Variants in EXOC4 observed in about 807,000 individuals in gnomAD.
The protein encoded by EXOC4 is exocyst complex component 4.
Under a neutral mutation model 107.2 loss-of-function variants are expected in EXOC4, and 71 were observed. That is an observed-to-expected ratio of 0.66 (90% CI 0.55 to 0.81). The LOEUF (loss-of-function observed/expected upper bound fraction) is 0.81. Ranked by LOEUF, EXOC4 falls within the 30% of genes least tolerant of loss-of-function variation. EXOC4 has a pLI of 0.00. For synonymous variants in EXOC4, 456 were observed against 441.2 expected (o/e 1.03, Z -0.42); for missense variants, 1,108 against 1,189.6 (o/e 0.93, Z 1.01).
intron 17 of EXOC4, among the ~76,000 whole-genome samples, chr7:134,017,322 A>T (rs1039622466): frequency 8.5e-5 from 13 of 152,158 alleles, no homozygotes; most frequent in Non-Finnish European, 1.9e-4. Context: ...AATCTCTTAA[A>T]TTTAATAGTG....
At chr7:133,588,282 T>A (rs62470021) in intron 9 of EXOC4, among the ~76,000 whole-genome samples, 22,648 of 152,224 alleles carry the variant, frequency 0.15, 2,102 homozygotes, top group Non-Finnish European at 0.2. Flanking sequence ...TTAAATACCA[T>A]GGACACAAAA....
At chr7:133,868,172 TG>T (rs1056204510) in intron 11 of EXOC4, among the ~76,000 whole-genome samples, 2 of 152,210 alleles carry the variant, frequency 1.3e-5, no homozygotes, top group African/African-American at 4.8e-5. Flanking sequence ...CCTCTTGGCT[TG>T]AGCTAGGGTC....
At chr7:133,401,516 GC>G (rs1222940384) in intron 7 of EXOC4, among the ~76,000 whole-genome samples, 1 of 151,942 alleles carries the variant, frequency 6.6e-6, no homozygotes, top group African/African-American at 2.4e-5. Context: ...AAAAACATTA[GC>G]TGGGTGTGGT....
At chr7:133,570,886 A>G (rs887195591) in intron 9 of EXOC4, among the ~76,000 whole-genome samples, 2 of 152,208 alleles carry the variant, frequency 1.3e-5, no homozygotes, top group Non-Finnish European at 2.9e-5. Flanking sequence ...GCCAGCTTTA[A>G]TTAGGCATTT....
intron 2 of EXOC4, among the ~76,000 whole-genome samples, chr7:133,277,471 A>G (rs890116332): frequency 2.6e-5 from 4 of 152,194 alleles, no homozygotes; most frequent in African/African-American, 9.7e-5. Context: ...CATCATTCTG[A>G]GTCGATAACA....
intron 10 of EXOC4, among the ~76,000 whole-genome samples, chr7:133,790,260 T>C (rs1054540115): frequency 6.6e-5 from 10 of 152,250 alleles, no homozygotes; most frequent in Non-Finnish European, 1.3e-4. Context: ...GAAAGGAATC[T>C]GATGAATTGA....
rs368634443 is a variant in EXOC4 at position 133,830,962 on chromosome 7, TTTTG to T, written c.1734+13434_1734+13437del. Among the ~76,000 whole-genome samples, 60 of 152,130 alleles carry T rather than the reference TTTTG, an allele frequency of 3.9e-4. No individual in the cohort carries two copies. In the East Asian group the frequency reaches 9.7e-3, roughly 24 times the overall value. On this transcript the variant is annotated intron_variant, in intron 11 of 17. Coordinates refer to ENST00000253861, the MANE Select transcript of EXOC4 (RefSeq NM_021807.4). Reference sequence around the variant, plus strand: ...TTTCTTCTGATGACCTTGACAGTTTTTTTGTTTGTTTGTTTGTTTTGAGACAGAG... The same window carrying T: ...TTTCTTCTGATGACCTTGACAGTTTTTTTGTTTGTTTGTTTTGAGACAGAG...
intron 5 of EXOC4, among the ~76,000 whole-genome samples, chr7:133,326,713 G>T (rs895159121): frequency 3.9e-5 from 6 of 152,184 alleles, no homozygotes; most frequent in Admixed American, 1.3e-4. Flanking sequence ...CGTGCTGGGA[G>T]AACCACTACA....
intron 7 of EXOC4, among the ~76,000 whole-genome samples, chr7:133,474,856 A>G (rs1414625090): frequency 6.6e-6 from 1 of 152,120 alleles, no homozygotes; most frequent in East Asian, 1.9e-4. Context: ...CCATTTCTTT[A>G]TCTATAATCT....
At chr7:133,941,489 T>C (rs1800426887) in intron 14 of EXOC4, among the ~76,000 whole-genome samples, 1 of 152,204 alleles carries the variant, frequency 6.6e-6, no homozygotes, top group South Asian at 2.1e-4. Flanking sequence ...GGTAATTTTT[T>C]CATCTCTTTT....
rs529731556 is a variant in EXOC4 at position 133,582,003 on chromosome 7, C to T, written c.1418-48042C>T. Among the ~76,000 whole-genome samples the T allele has an allele frequency of 2.0e-5, 3 of 152,158 alleles. No homozygotes were observed. The East Asian group carries it at 5.8e-4, about 30-fold the overall frequency. On this transcript the variant is annotated intron_variant, in intron 9 of 17. Transcript: ENST00000253861. ...AACTCCGTCACTATCATGAGAACAG[C>T]ATGGAGAAATCTGCCCCCATGATTT...
chr7:133,494,451 G>C (rs1282730684), intron 9 of EXOC4, among the ~76,000 whole-genome samples: 2 of 152,200 alleles, frequency 1.3e-5, no homozygotes, highest in Admixed American at 1.3e-4. Flanking sequence ...AAAGAGGACT[G>C]ATAAAAGCAA....
At chr7:133,355,907 T>A (rs1796010366) in intron 5 of EXOC4, among the ~76,000 whole-genome samples, 1 of 152,206 alleles carries the variant, frequency 6.6e-6, no homozygotes, top group African/African-American at 2.4e-5. Context: ...ATTCATGATG[T>A]CTTTTTCTCC....
At chr7:133,370,457 C>A (rs1796349869) in intron 6 of EXOC4, among the ~76,000 whole-genome samples, 1 of 152,086 alleles carries the variant, frequency 6.6e-6, no homozygotes, top group African/African-American at 2.4e-5. Flanking sequence ...CAGTTGCATT[C>A]TTTTGAGTTT....
Position 133,275,098 on chromosome 7 carries a change from A to G in EXOC4, c.203A>G (p.Glu68Gly). 1 of 1,613,642 alleles carries G rather than the reference A, an allele frequency of 6.2e-7. No homozygotes were observed. The highest frequency in any genetic ancestry group is 1.3e-5 in the African/African-American group (1 of 75,040). ...GAATTGATTGTACAGCACTACACAG[A>G]ATTGACGACAGCCATTCGCACATAC... Reference protein sequence around the residue: ...LDELIVQHYTELTTAIRTYQS... With the variant: ...LDELIVQHYTGLTTAIRTYQS... Residue 68 changes from glutamate to glycine, a missense_variant, in exon 2 of 18, where the codon GAA (glutamate) becomes GGA (glycine). Transcript: ENST00000253861.
intron 17 of EXOC4, among the ~76,000 whole-genome samples, chr7:134,037,340 A>C (rs1271924605): frequency 2.0e-5 from 3 of 152,156 alleles, no homozygotes; most frequent in Non-Finnish European, 4.4e-5. Flanking sequence ...GGGTGACTTT[A>C]TTTCTTCACT....
chr7:133,727,717 C>G (rs891037779), intron 10 of EXOC4: 1 of 152,416 alleles, frequency 6.6e-6, no homozygotes, highest in Non-Finnish European at 1.5e-5. Flanking sequence ...TGCTGCAGCT[C>G]CGGAAAGTAA....
At chr7:133,458,835 C>A (rs1276165303) in intron 7 of EXOC4, among the ~76,000 whole-genome samples, 2 of 152,164 alleles carry the variant, frequency 1.3e-5, no homozygotes, top group South Asian at 2.1e-4. Context: ...ATGTTTAGTT[C>A]TTGTCAAGGC....
At position 133,661,569 on chromosome 7, in the gene EXOC4, T is replaced by A. The variant is rs1407180844; in HGVS notation, c.1514+31428T>A. On this transcript the variant is annotated intron_variant, in intron 10 of 17. Coordinates refer to ENST00000253861, the MANE Select transcript of EXOC4 (RefSeq NM_021807.4). The stretch of plus-strand genomic sequence containing the variant: ...TTGTAAAATAAAAGAATTTTGGGAG[T>A]TCCATCTCTCGGCTTTGGAGCCCCC... 1.1e-4 allele frequency among the ~76,000 whole-genome samples: 17 copies of A among 150,326 alleles called. No individual in the cohort carries two copies. The Admixed American group carries it at 1.1e-3, about 10-fold the overall frequency.
Sources: allele counts gnomAD v4.1 joint callset (sites outside exome capture counted in the v4.1 genomes callset), GRCh38; gene constraint gnomAD v4.1.1; transcripts MANE v1.5; gene names NCBI Gene and HGNC (gene_info 2026-07-23, HGNC 2026-07-21).